The following LHPP variants were observed in gnomAD, a reference collection of about 807,000 sequenced individuals.
The protein encoded by LHPP is phospholysine phosphohistidine inorganic pyrophosphate phosphatase.
A neutral mutation model predicts 30.3 loss-of-function variants in LHPP; 24 were observed. The ratio of observed to expected loss-of-function variants is 0.79; its 90% CI spans 0.57 to 1.11. The LOEUF (loss-of-function observed/expected upper bound fraction) is 1.11. Among genes scored for constraint, LHPP ranks in the 50% most tolerant of loss-of-function variants. The pLI is 0.00. For synonymous variants in LHPP, 150 were observed against 157.1 expected, an observed-to-expected ratio of 0.95 and a Z score of 0.34; for missense variants, 356 against 367.2, an observed-to-expected ratio of 0.97 and a Z score of 0.25.
At chr10:124,539,878 G>A (rs572425845) in intron 6 of LHPP, among the ~76,000 whole-genome samples, 5 of 152,276 alleles carry the variant, frequency 3.3e-5, no homozygotes, top group Non-Finnish European at 7.4e-5. Context: ...CTCCAGCCTG[G>A]GCGACAGAGC....
At chr10:124,464,403 G>A (rs1316775883) in intron 1 of LHPP, among the ~76,000 whole-genome samples, 2 of 152,184 alleles carry the variant, frequency 1.3e-5, no homozygotes, top group Non-Finnish European at 2.9e-5. Context: ...GAGCTGCTGA[G>A]ATAATAGGGA....
intron 1 of LHPP, among the ~76,000 whole-genome samples, chr10:124,472,197 T>G (rs1952799905): frequency 6.6e-6 from 1 of 151,782 alleles, no homozygotes; most frequent in South Asian, 2.1e-4. Context: ...CCTGTAATCC[T>G]AGCTACTTGG....
intron 4 of LHPP, among the ~76,000 whole-genome samples, chr10:124,497,363 C>T (rs1354622635): frequency 1.3e-5 from 2 of 152,118 alleles, no homozygotes; most frequent in Non-Finnish European, 2.9e-5. Context: ...CTGCCACACT[C>T]CTCTCGGGCT....
chr10:124,567,628 CA>C (rs1254883646), intron 6 of LHPP, among the ~76,000 whole-genome samples: 1 of 152,270 alleles, frequency 6.6e-6, no homozygotes, highest in Non-Finnish European at 1.5e-5. Context: ...CACTGCTGGT[CA>C]GCAGCCCAGC....
At chr10:124,480,611 C>T (rs747638495) in intron 1 of LHPP, among the ~76,000 whole-genome samples, 3 of 152,160 alleles carry the variant, frequency 2.0e-5, no homozygotes, top group African/African-American at 7.2e-5. Flanking sequence ...TTCCAGGTGC[C>T]AATCAATGGA....
intron 5 of LHPP, among the ~76,000 whole-genome samples, chr10:124,504,880 CG>C (rs1243820510): frequency 6.6e-6 from 1 of 152,114 alleles, no homozygotes; most frequent in African/African-American, 2.4e-5. Context: ...TTGTCGTTTT[CG>C]GATGCTGGGG....
intron 6 of LHPP, among the ~76,000 whole-genome samples, chr10:124,525,660 A>T (rs899643936): frequency 6.6e-6 from 1 of 152,176 alleles, no homozygotes; most frequent in Non-Finnish European, 1.5e-5. Flanking sequence ...CCAGGGGCAG[A>T]CACCCCATCG....
intron 6 of LHPP, among the ~76,000 whole-genome samples, chr10:124,545,642 G>A (rs1246824849): frequency 6.7e-6 from 1 of 149,420 alleles, no homozygotes; most frequent in Non-Finnish European, 1.5e-5. Context: ...CAGCGGGTGT[G>A]TCAGGGGGCG....
In LHPP at chr10:124,613,564, G is replaced by A. The variant is rs1949231987; in HGVS notation, c.*204G>A. The A allele has an allele frequency of 1.7e-6, 1 of 599,134 alleles. No individual in the cohort carries two copies. Among genetic ancestry groups the A allele is most frequent in the Non-Finnish European group, 3.0e-6 (1 of 334,104 alleles). The allele number at this position is 599,134 out of a possible 1,614,324, so 37.1% of individuals were successfully genotyped here. On this transcript the variant is annotated 3_prime_UTR_variant, in exon 7 of 7. Coordinates refer to ENST00000368842, the MANE Select transcript of LHPP (RefSeq NM_022126.4). ...AGCCCTGCCTTCTGCCCTCTGCCCT[G>A]CATGGGCAGGCATTTGTTCCCTACC... is the stretch of plus-strand genomic sequence containing the variant.
intron 6 of LHPP, among the ~76,000 whole-genome samples, chr10:124,529,117 C>T (rs1186221152): frequency 2.0e-5 from 3 of 146,794 alleles, no homozygotes; most frequent in Admixed American, 1.4e-4. Flanking sequence ...CTGTAAGCTC[C>T]GCCTCCCGGG....
At chr10:124,567,393 A>ATT in intron 6 of LHPP, among the ~76,000 whole-genome samples, 1 of 152,180 alleles carries the variant, frequency 6.6e-6, no homozygotes, top group Non-Finnish European at 1.5e-5. Context: ...CCTGCCCTCC[A>ATT]CGCGCCCCTG....
chr10:124,491,287 TC>T (rs1245294554), intron 3 of LHPP, among the ~76,000 whole-genome samples: 3 of 152,206 alleles, frequency 2.0e-5, no homozygotes, highest in African/African-American at 7.2e-5. Flanking sequence ...TTTTCCATCT[TC>T]GGTGCTTTCG....
At chr10:124,554,962 A>G (rs1948269443) in intron 6 of LHPP, among the ~76,000 whole-genome samples, 1 of 152,360 alleles carries the variant, frequency 6.6e-6, no homozygotes, top group Middle Eastern at 3.4e-3. Flanking sequence ...CTGCACAGAC[A>G]TAATTCACTG....
In LHPP at chr10:124,613,689, T is replaced by G; in HGVS notation, c.*329T>G. 1 of 418,820 alleles carries G rather than the reference T, an allele frequency of 2.4e-6. No homozygotes were observed. The highest frequency in any genetic ancestry group is 4.4e-6 in the Non-Finnish European group (1 of 225,502). The allele number at this position is 418,820 out of a possible 1,614,324, so 25.9% of individuals were successfully genotyped here. ...GTCAGGCCTCTGGGAATCTCCCAAA[T>G]CCCAGAACTCACCACTCACCATGGG... On this transcript the variant is annotated 3_prime_UTR_variant, in exon 7 of 7. Coordinates refer to ENST00000368842, the MANE Select transcript of LHPP (RefSeq NM_022126.4).
chr10:124,542,608 C>G (rs901097771), intron 6 of LHPP, among the ~76,000 whole-genome samples: 1 of 152,148 alleles, frequency 6.6e-6, no homozygotes, highest in Non-Finnish European at 1.5e-5. Context: ...CAGGCTGGTA[C>G]CAGCCTGGGG....
chr10:124,481,812 G>T (rs1489383373), intron 1 of LHPP, among the ~76,000 whole-genome samples: 4 of 152,152 alleles, frequency 2.6e-5, no homozygotes, highest in Non-Finnish European at 5.9e-5. Flanking sequence ...CGCAAGGTGG[G>T]TGGCCCTTCC....
chr10:124,518,095 C>T (rs889778827), intron 6 of LHPP, among the ~76,000 whole-genome samples: 1 of 152,096 alleles, frequency 6.6e-6, no homozygotes, highest in African/African-American at 2.4e-5. Context: ...AGGGCCCGAC[C>T]GTCGCTCTGA....
rs541655905 is a variant in LHPP, at chr10:124,523,755, C to T, written c.716+6484C>T. Among the ~76,000 whole-genome samples, 291 of 152,304 alleles carry T rather than the reference C, an allele frequency of 1.9e-3. 1 individual carries two copies. The highest frequency in any genetic ancestry group is 0.014 in the Middle Eastern group (4 of 294). ...CAGCCAGGGCAATCCGAGCCAGCCC[C>T]GGTGGAGAGAAAGGGCCAGTGCTGG... On this transcript the variant is annotated intron_variant, in intron 6 of 6. Coordinates refer to ENST00000368842, the MANE Select transcript of LHPP (RefSeq NM_022126.4). The surrounding 1 kb of genome is among the most constrained non-coding windows in gnomAD (Gnocchi z 4.2).
chr10:124,550,934 G>A (rs1224527950), intron 6 of LHPP, among the ~76,000 whole-genome samples: 1 of 152,208 alleles, frequency 6.6e-6, no homozygotes, highest in Non-Finnish European at 1.5e-5. Context: ...TCCAGGTGGT[G>A]GACTAGAGCT....
Sources: allele counts gnomAD v4.1 joint callset (sites outside exome capture counted in the v4.1 genomes callset), GRCh38; gene constraint gnomAD v4.1.1; non-coding constraint Gnocchi (gnomAD v3.1); transcripts MANE v1.5; gene names NCBI Gene and HGNC (gene_info 2026-07-23, HGNC 2026-07-21).